Variants in FNDC3A observed in about 807,000 individuals in gnomAD.
FNDC3A encodes fibronectin type III domain containing 3A.
A neutral mutation model predicts 148.9 loss-of-function variants in FNDC3A; 32 were observed. The observed-to-expected ratio is 0.21, with a 90% CI of 0.16 to 0.29. The LOEUF is 0.29. Ranked by LOEUF, FNDC3A falls within the 10% of genes least tolerant of loss-of-function variation. The pLI is 1.00. For synonymous variants in FNDC3A, 472 were observed against 473.6 expected, an observed-to-expected ratio of 1.00 and a Z score of 0.04; for missense variants, 1,191 against 1,452.8, an observed-to-expected ratio of 0.82 and a Z score of 2.93.
chr13:49,011,062 T>G (rs2137610166), intron 2 of FNDC3A, among the ~76,000 whole-genome samples: 1 of 152,310 alleles, frequency 6.6e-6, no homozygotes, highest in South Asian at 2.1e-4. Context: ...GATGACCATC[T>G]TGGGGGTTTC....
intron 2 of FNDC3A, among the ~76,000 whole-genome samples, chr13:49,060,643 CAAAAAAAAAA>C (rs35534890): frequency 3.3e-5 from 2 of 59,716 alleles, no homozygotes; most frequent in Admixed American, 2.2e-4. Context: ...GACTCGGTCT[CAAAAAAAAAA>C]AAAAAAAAAA....
At position 49,188,598 on chromosome 13, in the gene FNDC3A, C is replaced by T; in HGVS notation, c.1909C>T (p.Arg637Ter). The change falls in exon 17 of 26, where the codon CGA becomes TGA. Residue 637 changes from arginine (R) to a stop codon, truncating the protein, a stop_gained. Coordinates refer to ENST00000492622, the MANE Select transcript of FNDC3A (RefSeq NM_001079673.2). LOFTEE classifies it high-confidence loss of function. ...GAATCCAGGCTGTTTCTATCGTTTA[C>T]GAGTTTACTGCATCAGTGATGGAGG... ...RLNPGCFYRL[R>*]VYCISDGGQS... The T allele has an allele frequency of 6.2e-7, 1 of 1,613,118 alleles. No homozygotes were observed. The highest frequency in any genetic ancestry group is 8.5e-7 in the Non-Finnish European group (1 of 1,179,112).
intron 8 of FNDC3A, among the ~76,000 whole-genome samples, chr13:49,161,255 A>C (rs1884094674): frequency 6.6e-6 from 1 of 152,176 alleles, no homozygotes; most frequent in Admixed American, 6.5e-5. Flanking sequence ...GTGGGAGTCT[A>C]AGTCTCTTTG....
At position 49,131,340 on chromosome 13, in the gene FNDC3A, A is replaced by C. The variant is rs772153929; in HGVS notation, c.456A>C (p.Pro152=). Residue 152 remains proline (P), a synonymous_variant, in exon 5 of 26, where the codon CCA becomes CCC. Coordinates refer to ENST00000492622, the MANE Select transcript of FNDC3A (RefSeq NM_001079673.2). ...GAGDMTTQYM[P]QYQSSQVYGD... ...GAGACATGACAACACAGTATATGCC[A>C]CAGTATCAGTCTTCACAAGTCTATG... 1 of 1,613,740 alleles carries C rather than the reference A, an allele frequency of 6.2e-7. No individual in the cohort carries two copies. Among genetic ancestry groups the C allele is most frequent in the Admixed American group, 1.7e-5 (1 of 60,012 alleles).
intron 2 of FNDC3A, among the ~76,000 whole-genome samples, chr13:49,032,179 A>T (rs1035423421): frequency 2.6e-5 from 4 of 152,152 alleles, no homozygotes; most frequent in African/African-American, 9.7e-5. Flanking sequence ...ACCCTCATAC[A>T]CTGCTGGTGG....
At position 49,090,015 on chromosome 13, in the gene FNDC3A, G is replaced by A. The variant is rs370221728; in HGVS notation, c.175+14651G>A. Among the ~76,000 whole-genome samples, 3 of 152,186 alleles carry A rather than the reference G, an allele frequency of 2.0e-5. No homozygotes were observed. The East Asian group carries it at 5.8e-4, about 29-fold the overall frequency. ...TGCCTTGGCCTGCCATCCCTAGGTTGCTGCCAATGTATGCATGATCCAGGT... is the reference window on the plus strand; with the variant it reads ...TGCCTTGGCCTGCCATCCCTAGGTTACTGCCAATGTATGCATGATCCAGGT... On this transcript the variant is annotated intron_variant, in intron 3 of 25. Coordinates refer to ENST00000492622, the MANE Select transcript of FNDC3A (RefSeq NM_001079673.2).
intron 1 of FNDC3A, among the ~76,000 whole-genome samples, chr13:48,977,842 G>C (rs1951630286): frequency 6.6e-6 from 1 of 151,860 alleles, no homozygotes; most frequent in Admixed American, 6.6e-5. Context: ...ATATTGTCTT[G>C]TTTCATTTCA....
chr13:49,050,237 G>T (rs1010928871), intron 2 of FNDC3A, among the ~76,000 whole-genome samples: 1 of 152,038 alleles, frequency 6.6e-6, no homozygotes, highest in African/African-American at 2.4e-5. Flanking sequence ...TACTTAGATT[G>T]TCTGTTTGTA....
chr13:49,028,646 T>G (rs1873897490), intron 2 of FNDC3A, among the ~76,000 whole-genome samples: 1 of 152,168 alleles, frequency 6.6e-6, no homozygotes, highest in African/African-American at 2.4e-5. Flanking sequence ...AATAATTGAC[T>G]TTAAGTCAGA....
At chr13:48,991,679 C>A (rs1255613397) in intron 1 of FNDC3A, among the ~76,000 whole-genome samples, 1 of 151,338 alleles carries the variant, frequency 6.6e-6, no homozygotes, top group East Asian at 1.9e-4. Flanking sequence ...CACAGCAAAA[C>A]CCTGTCTCAA....
chr13:49,013,249 A>G (rs1191750020), intron 2 of FNDC3A, among the ~76,000 whole-genome samples: 1 of 152,266 alleles, frequency 6.6e-6, no homozygotes, highest in Non-Finnish European at 1.5e-5. Context: ...TGGGGGGTTG[A>G]GTCTGCAATA....
At position 49,121,192 on chromosome 13, in the gene FNDC3A, C is replaced by G. The variant is rs562335768; in HGVS notation, c.252+6461C>G. On this transcript the variant is annotated intron_variant, in intron 4 of 25. Transcript: ENST00000492622. Reference sequence around the variant, plus strand: ...AATTAGAACTCAGGATTAAGAAACTCACTCAAAACCACACAACTACATGGA... The same window carrying G: ...AATTAGAACTCAGGATTAAGAAACTGACTCAAAACCACACAACTACATGGA... Among the ~76,000 whole-genome samples, 10 of 152,318 alleles carry G rather than the reference C, an allele frequency of 6.6e-5. No individual in the cohort carries two copies. In the South Asian group the frequency reaches 2.1e-3, roughly 32 times the overall value.
intron 4 of FNDC3A, among the ~76,000 whole-genome samples, chr13:49,118,282 AGCCATGAGGGACTGT>A (rs1881096807): frequency 1.3e-5 from 2 of 152,136 alleles, no homozygotes; most frequent in South Asian, 4.1e-4. Context: ...AGCCAAGGGA[AGCCATGAGGGACTGT>A]GCCATGAGGA....
intron 3 of FNDC3A, among the ~76,000 whole-genome samples, chr13:49,084,870 C>T (rs138524105): frequency 1.4e-3 from 209 of 152,202 alleles, no homozygotes; most frequent in African/African-American, 4.9e-3. Context: ...AGGGGTTTAT[C>T]CTTTCTTGCT....
rs530927207 is a variant in FNDC3A, at chr13:49,193,377, C to G, written c.2226+1993C>G. On this transcript the variant is annotated intron_variant, in intron 19 of 25. Transcript: ENST00000492622. ...CCAGGCTTAAGCGATCCTCCTGCCT[C>G]AGCCTCCTGAGTAGCAGGGACTATA... 2.8e-4 allele frequency among the ~76,000 whole-genome samples: 43 copies of G among 152,302 alleles called. No individual in the cohort carries two copies. The South Asian group carries it at 8.5e-3, about 30-fold the overall frequency.
intron 3 of FNDC3A, among the ~76,000 whole-genome samples, chr13:49,084,903 A>G (rs1878704571): frequency 6.6e-6 from 1 of 152,158 alleles, no homozygotes. Context: ...TCATTAAAGA[A>G]GTAACCAGCC....
At chr13:49,008,195 A>G (rs540149340) in intron 2 of FNDC3A, among the ~76,000 whole-genome samples, 1 of 152,300 alleles carries the variant, frequency 6.6e-6, no homozygotes, top group South Asian at 2.1e-4. Flanking sequence ...TATAATAAGC[A>G]GTGGATCAGA....
At chr13:49,082,801 G>A (rs1319348158) in intron 3 of FNDC3A, among the ~76,000 whole-genome samples, 1 of 152,138 alleles carries the variant, frequency 6.6e-6, no homozygotes, top group Non-Finnish European at 1.5e-5. Flanking sequence ...GGGAGTCAGA[G>A]TATAAGGCTG....
rs1000377705 is a variant in FNDC3A at position 49,189,854 on chromosome 13, A to G, written c.1945-1161A>G. On this transcript the variant is annotated intron_variant, in intron 17 of 25. Transcript: ENST00000492622. ...AAAAGAATGTTAAGTATGAACCTTA[A>G]TATGTTGCAAGTAAGTAATATGCCA... is the stretch of plus-strand genomic sequence containing the variant. Among the ~76,000 whole-genome samples the G allele has an allele frequency of 2.0e-5, 3 of 152,336 alleles. No homozygotes were observed. The South Asian group carries it at 6.2e-4, about 32-fold the overall frequency.
Sources: allele counts gnomAD v4.1 joint callset (sites outside exome capture counted in the v4.1 genomes callset), GRCh38; gene constraint gnomAD v4.1.1; transcripts MANE v1.5; gene names NCBI Gene and HGNC (gene_info 2026-07-23, HGNC 2026-07-21).